Variants in RPS6KL1 observed in about 807,000 individuals in gnomAD.
RPS6KL1 encodes ribosomal protein S6 kinase like 1, also known as ribosomal protein S6 kinase-like 1.
Under a neutral mutation model 57.0 loss-of-function variants are expected in RPS6KL1, and 41 were observed. The ratio of observed to expected loss-of-function variants is 0.72; its 90% CI spans 0.56 to 0.93. The LOEUF (loss-of-function observed/expected upper bound fraction) is 0.93. Among genes scored for constraint, RPS6KL1 ranks in the 40% least tolerant of loss-of-function variants. The pLI is 0.00. For synonymous variants in RPS6KL1, 287 were observed against 309.7 expected (o/e 0.93, Z 0.77); for missense variants, 697 against 727.7 (o/e 0.96, Z 0.49).
At position 74,907,476 on chromosome 14, in the gene RPS6KL1, G is replaced by A; in HGVS notation, c.1498C>T (p.Pro500Ser). The A allele has an allele frequency of 1.9e-6, 3 of 1,588,874 alleles. No homozygotes were observed. Among genetic ancestry groups the A allele is most frequent in the East Asian group, 2.3e-5 (1 of 43,810 alleles). ...GCCGCTGGGCGACTGAGCCACTCGG[G>A]CAGCTGGAGCTGGGTGTGGGCCTGG... The part of the protein sequence containing the change: ...GIQAHTQLQL[P>S]EWLSRPAASL... Residue 500 changes from proline (P) to serine (S), a missense_variant, in exon 11 of 12, where the codon CCC becomes TCC. Physicochemically the swap from Pro to Ser is moderately conservative, Grantham distance 74. Transcript: ENST00000557413.
At chr14:74,919,390 A>T (rs1162440518) in intron 4 of RPS6KL1, among the ~76,000 whole-genome samples, 3 of 152,204 alleles carry the variant, frequency 2.0e-5, no homozygotes, top group African/African-American at 7.2e-5. Flanking sequence ...GTTTAGAGAA[A>T]GCCATGTGGG....
At chr14:74,911,503 C>T in intron 6 of RPS6KL1, 123 bp from the exon 7 acceptor site, 5 of 1,103,410 alleles carry the variant, frequency 4.5e-6, no homozygotes, top group African/African-American at 1.5e-5. Flanking sequence ...TCCCTCAGTT[C>T]CTGACCTGTC....
chr14:74,922,123 T>C lies in RPS6KL1; in HGVS notation c.-166A>G. On this transcript the variant is annotated 5_prime_UTR_variant, in exon 2 of 12. Transcript: ENST00000557413. ...CAGTCAAATTCAGTTCAGCAAACATTTCTGGAGCATCTGGTACTGTGTTGA... is the reference window on the plus strand; with the variant it reads ...CAGTCAAATTCAGTTCAGCAAACATCTCTGGAGCATCTGGTACTGTGTTGA... The C allele has an allele frequency of 5.4e-6, 5 of 921,408 alleles. No individual in the cohort carries two copies. Among genetic ancestry groups the C allele is most frequent in the Non-Finnish European group, 6.5e-6 (5 of 766,986 alleles). 57.1% of individuals were successfully genotyped at this position (921,408 alleles called of 1,614,324 possible).
At chr14:74,909,213 G>A in intron 8 of RPS6KL1, 23 bp from the exon 9 acceptor site, 1 of 1,608,638 alleles carries the variant, frequency 6.2e-7, no homozygotes, top group Non-Finnish European at 8.5e-7. Flanking sequence ...GGAGGAAAAA[G>A]GAGGGGACAG....
intron 3 of RPS6KL1, among the ~76,000 whole-genome samples, chr14:74,920,424 G>C (rs544676137): frequency 6.6e-5 from 10 of 152,354 alleles, no homozygotes; most frequent in Middle Eastern, 3.4e-3. Flanking sequence ...GGAAGCCCAG[G>C]CTTGAAGGGT....
At position 74,922,075 on chromosome 14, in the gene RPS6KL1, G is replaced by C. The variant is rs554573222; in HGVS notation, c.-118C>G. On this transcript the variant is annotated 5_prime_UTR_variant, in exon 2 of 12. Transcript: ENST00000557413. ...ATTATAGACGTGAGCCACCGCGCAGGCCTGGGGCTCTGTTTTCCTTTCCAG... is the reference window on the plus strand; with the variant it reads ...ATTATAGACGTGAGCCACCGCGCAGCCCTGGGGCTCTGTTTTCCTTTCCAG... 1.7e-6 allele frequency: 1 copy of C among 588,010 alleles called. No individual in the cohort carries two copies. Among genetic ancestry groups the C allele is most frequent in the East Asian group, 1.3e-4 (1 of 7,590 alleles). 36.4% of individuals were successfully genotyped at this position (588,010 alleles called of 1,614,324 possible).
chr14:74,906,235 C>G lies in RPS6KL1; in HGVS notation c.*779G>C. On this transcript the variant is annotated 3_prime_UTR_variant, in exon 12 of 12. Coordinates refer to ENST00000557413, the MANE Select transcript of RPS6KL1 (RefSeq NM_031464.5). Reference sequence around the variant, plus strand: ...TGCACCCCTGGGGCAGGCTGCCCCTCTTCCCCCACACAGGCCCACTGGGGA... The same window carrying G: ...TGCACCCCTGGGGCAGGCTGCCCCTGTTCCCCCACACAGGCCCACTGGGGA... 1 of 295,890 alleles carries G rather than the reference C, an allele frequency of 3.4e-6. No homozygotes were observed. The highest frequency in any genetic ancestry group is 3.1e-5 in the South Asian group (1 of 32,518). 18.3% of individuals were successfully genotyped at this position (295,890 alleles called of 1,614,324 possible). A position where few individuals can be genotyped will look rare whatever the true frequency, so the allele number is the denominator to read the frequency against.
intron 2 of RPS6KL1, 191 bp downstream of exon 2, chr14:74,921,777 CTTTTTTTTTT>C: frequency 1.2e-6 from 1 of 835,398 alleles, no homozygotes; most frequent in Non-Finnish European, 1.5e-6. Flanking sequence ...GTTTTCTTTT[CTTTTTTTTTT>C]TTTTTTTTGA....
At chr14:74,916,986 C>T (rs116918901) in intron 5 of RPS6KL1, among the ~76,000 whole-genome samples, 3,734 of 152,318 alleles carry the variant, frequency 0.025, 50 homozygotes, top group Non-Finnish European at 0.037. Flanking sequence ...TCCCTGGGAA[C>T]GGCTGTGCTC....
chr14:74,915,167 A>ATG (rs1379106493), intron 5 of RPS6KL1, among the ~76,000 whole-genome samples: 3 of 152,238 alleles, frequency 2.0e-5, no homozygotes, highest in African/African-American at 7.2e-5. Flanking sequence ...AGCACTTGAA[A>ATG]TGTGACTGGT....
Position 74,905,632 on chromosome 14 carries a change from C to G in RPS6KL1, c.*1382G>C, listed in dbSNP as rs1342753096. On this transcript the variant is annotated 3_prime_UTR_variant, in exon 12 of 12. Coordinates refer to ENST00000557413, the MANE Select transcript of RPS6KL1 (RefSeq NM_031464.5). The stretch of plus-strand genomic sequence containing the variant: ...AGCCGTGGTCATTGCATGGAAGAAG[C>G]GAGAACACCGTAGGCCAGAGCAGGC... 1 of 152,284 alleles carries G rather than the reference C, an allele frequency of 6.6e-6. No individual in the cohort carries two copies. The highest frequency in any genetic ancestry group is 1.5e-5 in the Non-Finnish European group (1 of 68,104). 9.4% of individuals were successfully genotyped at this position (152,284 alleles called of 1,614,324 possible).
intron 5 of RPS6KL1, among the ~76,000 whole-genome samples, chr14:74,912,745 T>C: frequency 6.6e-6 from 1 of 152,048 alleles, no homozygotes; most frequent in East Asian, 1.9e-4. Flanking sequence ...TGACTGCAAA[T>C]AAAAATTTAA....
At chr14:74,921,599 T>C in intron 2 of RPS6KL1, 38 bp from the exon 3 acceptor site, 1 of 1,572,402 alleles carries the variant, frequency 6.4e-7, no homozygotes, top group South Asian at 1.1e-5. Flanking sequence ...ACCTAGCTGG[T>C]AGCAACACCC....
chr14:74,911,409 C>T (rs781166668), intron 6 of RPS6KL1, 29 bp from the exon 7 acceptor site: 10 of 1,592,838 alleles, frequency 6.3e-6, no homozygotes, highest in South Asian at 2.2e-5. Context: ...GCAGATCAGC[C>T]GGGGACAGGC....
At chr14:74,922,637 A>G (rs1888020878) in intron 1 of RPS6KL1, among the ~76,000 whole-genome samples, 152 bp from the exon 2 acceptor site, 2 of 152,176 alleles carry the variant, frequency 1.3e-5, no homozygotes, top group Admixed American at 6.5e-5. Context: ...ACCTGACAGC[A>G]GCTTCTTCCT....
chr14:74,913,372 C>T (rs1566824094), intron 5 of RPS6KL1, among the ~76,000 whole-genome samples: 1 of 152,286 alleles, frequency 6.6e-6, no homozygotes, highest in East Asian at 1.9e-4. Flanking sequence ...GCCTGGCCAA[C>T]ATGGTGAAAC....
Position 74,904,652 on chromosome 14 carries a change from A to C in RPS6KL1, c.*2362T>G, listed in dbSNP as rs1249947209. The stretch of plus-strand genomic sequence containing the variant: ...CTTTGTGAAGCCCTTTCAAAACACC[A>C]GTAGACTTGCATTTTTTGTGTGGGC... On this transcript the variant is annotated 3_prime_UTR_variant, in exon 12 of 12. Coordinates refer to ENST00000557413, the MANE Select transcript of RPS6KL1 (RefSeq NM_031464.5). 1 of 152,220 alleles carries C rather than the reference A, an allele frequency of 6.6e-6. No individual in the cohort carries two copies. Among genetic ancestry groups the C allele is most frequent in the African/African-American group, 2.4e-5 (1 of 41,452 alleles). The allele number at this position is 152,220 out of a possible 1,614,324, so 9.4% of individuals were successfully genotyped here. A position where few individuals can be genotyped will look rare whatever the true frequency, so the allele number is the denominator to read the frequency against.
Position 74,905,558 on chromosome 14 carries a change from G to C in RPS6KL1, c.*1456C>G, listed in dbSNP as rs1206537503. On this transcript the variant is annotated 3_prime_UTR_variant, in exon 12 of 12. Coordinates refer to ENST00000557413, the MANE Select transcript of RPS6KL1 (RefSeq NM_031464.5). ...TCCTGGCAGCCCCAAGCTCGCTCTT[G>C]ACTTCACTCTGGAGCTTCTACAGGG... 1 of 151,606 alleles carries C rather than the reference G, an allele frequency of 6.6e-6. No homozygotes were observed. Among genetic ancestry groups the C allele is most frequent in the East Asian group, 1.9e-4 (1 of 5,160 alleles). 9.4% of individuals were successfully genotyped at this position (151,606 alleles called of 1,614,324 possible).
chr14:74,919,267 T>C (rs534545852), intron 4 of RPS6KL1, among the ~76,000 whole-genome samples: 5 of 152,258 alleles, frequency 3.3e-5, no homozygotes, highest in East Asian at 1.9e-4. Context: ...AGCACCTACT[T>C]TGGGGAAAGG....
Sources: gnomAD v4.1 joint callset for allele counts (sites outside exome capture counted in the v4.1 genomes callset) on GRCh38, gnomAD v4.1.1 for gene constraint, MANE v1.5 for transcripts, NCBI Gene and HGNC (gene_info 2026-07-23, HGNC 2026-07-21) for gene names.